The following ADCY2 variants were observed in gnomAD, a reference collection of about 807,000 sequenced individuals.
ADCY2 encodes adenylate cyclase 2, also known as adenylate cyclase type 2.
A neutral mutation model predicts 125.2 loss-of-function variants in ADCY2; 31 were observed. The ratio of observed to expected loss-of-function variants is 0.25; its 90% CI spans 0.19 to 0.33. The LOEUF is 0.33. Ranked by LOEUF, ADCY2 falls within the 10% of genes least tolerant of loss-of-function variation. The pLI, the probability that ADCY2 is intolerant of heterozygous loss-of-function variation, is 1.00. For synonymous variants in ADCY2, 512 were observed against 548.4 expected (o/e 0.93, Z 0.93); for missense variants, 904 against 1,418.2 (o/e 0.64, Z 5.82).
chr5:7,456,506 A>G (rs1420918052), intron 2 of ADCY2, among the ~76,000 whole-genome samples: 1 of 152,238 alleles, frequency 6.6e-6, no homozygotes, highest in East Asian at 1.9e-4. Context: ...GATGGCATCA[A>G]TAACATGAAT....
At chr5:7,623,497 C>G (rs923714587) in intron 3 of ADCY2, among the ~76,000 whole-genome samples, 3 of 152,148 alleles carry the variant, frequency 2.0e-5, no homozygotes, top group African/African-American at 7.2e-5. Flanking sequence ...TGACAATGCA[C>G]CATTGGACAC....
Position 7,444,263 on chromosome 5 carries a change from G to A in ADCY2, c.408+29493G>A, listed in dbSNP as rs887132240. ...CGAGTAGCTGGGACTACAGGCGCCCGCCACCACGCCTGGTTAATTTTTTTT... is the reference window on the plus strand; with the variant it reads ...CGAGTAGCTGGGACTACAGGCGCCCACCACCACGCCTGGTTAATTTTTTTT... On this transcript the variant is annotated intron_variant, in intron 2 of 24. Coordinates refer to ENST00000338316, the MANE Select transcript of ADCY2 (RefSeq NM_020546.3). Among the ~76,000 whole-genome samples the A allele has an allele frequency of 5.9e-5, 9 of 151,634 alleles. No homozygotes were observed. The South Asian group carries it at 1.3e-3, about 21-fold the overall frequency.
At chr5:7,702,833 C>A (rs1247471669) in intron 7 of ADCY2, among the ~76,000 whole-genome samples, 1 of 152,220 alleles carries the variant, frequency 6.6e-6, no homozygotes, top group African/African-American at 2.4e-5. Flanking sequence ...AACTAGTTTA[C>A]AGTCCCACCA....
At chr5:7,487,500 G>A (rs1445372366) in intron 2 of ADCY2, among the ~76,000 whole-genome samples, 1 of 152,198 alleles carries the variant, frequency 6.6e-6, no homozygotes, top group Admixed American at 6.5e-5. Flanking sequence ...TGTGAAGGCA[G>A]AAGCGATCTC....
intron 20 of ADCY2, chr5:7,796,767 C>T (rs982209705): frequency 6.6e-6 from 1 of 152,250 alleles, no homozygotes; most frequent in Admixed American, 6.5e-5. Context: ...GGAGCCTTCT[C>T]TGTTTCGGAA....
At chr5:7,803,547 C>T (rs1334444932) in intron 21 of ADCY2, among the ~76,000 whole-genome samples, 1 of 152,178 alleles carries the variant, frequency 6.6e-6, no homozygotes, top group Non-Finnish European at 1.5e-5. Flanking sequence ...GAAAGCCTAA[C>T]TCAGCAGATT....
At chr5:7,412,601 C>T (rs1739767572) in intron 1 of ADCY2, among the ~76,000 whole-genome samples, 2 of 152,230 alleles carry the variant, frequency 1.3e-5, no homozygotes, top group South Asian at 2.1e-4. Flanking sequence ...GGCACTTAAT[C>T]GTGGCTAAAA....
intron 2 of ADCY2, among the ~76,000 whole-genome samples, chr5:7,510,735 A>G (rs1744023006): frequency 6.6e-6 from 1 of 152,240 alleles, no homozygotes; most frequent in South Asian, 2.1e-4. Context: ...CATGAGACCC[A>G]GGTTACCAAA....
intron 3 of ADCY2, among the ~76,000 whole-genome samples, chr5:7,622,426 A>G (rs937740452): frequency 6.6e-6 from 1 of 152,248 alleles, no homozygotes; most frequent in African/African-American, 2.4e-5. Context: ...AAGACATATC[A>G]TATTCTATTT....
chr5:7,560,362 T>A (rs577521732), intron 3 of ADCY2, among the ~76,000 whole-genome samples: 2 of 152,288 alleles, frequency 1.3e-5, no homozygotes, highest in Admixed American at 1.3e-4. Flanking sequence ...AAGTTTAAGG[T>A]GTTTGCTATA....
At chr5:7,520,700 A>G in intron 2 of ADCY2, 38 bp from the exon 3 acceptor site, 1 of 1,609,332 alleles carries the variant, frequency 6.2e-7, no homozygotes, top group Non-Finnish European at 8.5e-7. Context: ...AAACCAGAAT[A>G]TTTGGTGACT....
In ADCY2 at chr5:7,434,505, G is replaced by A. The variant is rs1456576233; in HGVS notation, c.408+19735G>A. ...GCTTTGAAGAAGATGGGATTCAGAA[G>A]CTGGATATGACATGGATACTTCTTT... On this transcript the variant is annotated intron_variant, in intron 2 of 24. Transcript: ENST00000338316. 3.3e-5 allele frequency among the ~76,000 whole-genome samples: 5 copies of A among 152,186 alleles called. No homozygotes were observed. In the South Asian group the frequency reaches 6.2e-4, roughly 19 times the overall value.
chr5:7,663,399 T>A (rs188550884), intron 4 of ADCY2, among the ~76,000 whole-genome samples: 2 of 152,366 alleles, frequency 1.3e-5, no homozygotes, highest in East Asian at 3.9e-4. Flanking sequence ...ACTTTTGTGT[T>A]TGGCATCCTG....
intron 2 of ADCY2, among the ~76,000 whole-genome samples, chr5:7,475,731 AG>A (rs1342844170): frequency 6.6e-6 from 1 of 152,130 alleles, no homozygotes. Flanking sequence ...TGAGATTTGA[AG>A]GGTGAGGCAA....
intron 2 of ADCY2, among the ~76,000 whole-genome samples, chr5:7,443,214 A>C (rs1020381367): frequency 6.6e-6 from 1 of 152,230 alleles, no homozygotes; most frequent in African/African-American, 2.4e-5. Flanking sequence ...GTTTTTGAAG[A>C]GAAAGAGACC....
At chr5:7,761,438 T>G (rs1480469552) in intron 16 of ADCY2, among the ~76,000 whole-genome samples, 1 of 152,154 alleles carries the variant, frequency 6.6e-6, no homozygotes, top group Admixed American at 6.5e-5. Flanking sequence ...TGGGCCACCA[T>G]GCCCAGCCCA....
intron 10 of ADCY2, among the ~76,000 whole-genome samples, chr5:7,712,487 T>C (rs568711383): frequency 5.3e-5 from 8 of 152,350 alleles, no homozygotes; most frequent in African/African-American, 1.7e-4. Context: ...CTAATATTTG[T>C]CTGATACCAA....
At chr5:7,431,407 A>C (rs977579070) in intron 2 of ADCY2, among the ~76,000 whole-genome samples, 1 of 152,214 alleles carries the variant, frequency 6.6e-6, no homozygotes, top group African/African-American at 2.4e-5. Flanking sequence ...GAGATGGACC[A>C]TAGATGTAAA....
intron 22 of ADCY2, among the ~76,000 whole-genome samples, chr5:7,808,606 C>T (rs1744832012): frequency 6.6e-6 from 1 of 152,138 alleles, no homozygotes; most frequent in African/African-American, 2.4e-5. Context: ...AAACAAGTAG[C>T]CATAGAGTAG....
Sources: allele counts gnomAD v4.1 joint callset (sites outside exome capture counted in the v4.1 genomes callset), GRCh38; gene constraint gnomAD v4.1.1; transcripts MANE v1.5; gene names NCBI Gene and HGNC (gene_info 2026-07-23, HGNC 2026-07-21).